The following CACNA2D3 variants were observed in gnomAD, a reference collection of about 807,000 sequenced individuals.
The protein encoded by CACNA2D3 is calcium voltage-gated channel auxiliary subunit alpha2delta 3.
Under a neutral mutation model 160.6 loss-of-function variants are expected in CACNA2D3, and 60 were observed. The ratio of observed to expected loss-of-function variants is 0.37; its 90% CI spans 0.30 to 0.46. The LOEUF is 0.46. Among genes scored for constraint, CACNA2D3 ranks in the 20% least tolerant of loss-of-function variants. The pLI, the probability that CACNA2D3 is intolerant of heterozygous loss-of-function variation, is 1.00. For synonymous variants in CACNA2D3, 558 were observed against 492.9 expected (o/e 1.13, Z -1.75); for missense variants, 1,205 against 1,365.0 (o/e 0.88, Z 1.85).
chr3:54,707,032 G>T (rs1458029840), intron 11 of CACNA2D3, among the ~76,000 whole-genome samples: 4 of 152,170 alleles, frequency 2.6e-5, no homozygotes, highest in Admixed American at 6.5e-5. Context: ...TCTTACAAAG[G>T]CCTCCTTTAC....
chr3:54,775,674 AAGTT>A (rs1322724674), intron 13 of CACNA2D3, among the ~76,000 whole-genome samples: 1 of 152,136 alleles, frequency 6.6e-6, no homozygotes, highest in Non-Finnish European at 1.5e-5. Flanking sequence ...CAAATTGAGA[AAGTT>A]AGTATAGTAA....
At chr3:54,131,123 A>G (rs191701583) in intron 2 of CACNA2D3, among the ~76,000 whole-genome samples, 385 of 152,292 alleles carry the variant, frequency 2.5e-3, no homozygotes, top group African/African-American at 8.6e-3. Context: ...TCTTCAGGTA[A>G]TCTTCATTGA....
At chr3:54,256,650 G>A in intron 2 of CACNA2D3, among the ~76,000 whole-genome samples, 1 of 151,136 alleles carries the variant, frequency 6.6e-6, no homozygotes, top group Non-Finnish European at 1.5e-5. Flanking sequence ...ACACACCTGA[G>A]AAGTTCACAT....
chr3:54,899,641 G>A (rs373924985), intron 26 of CACNA2D3, 147 bp from the exon 27 acceptor site: 11 of 610,646 alleles, frequency 1.8e-5, no homozygotes, highest in African/African-American at 1.5e-4. Context: ...CGTAGGCAGA[G>A]CATCCACACC....
chr3:54,803,310 G>T (rs1421322800), intron 13 of CACNA2D3, among the ~76,000 whole-genome samples: 6 of 152,018 alleles, frequency 3.9e-5, no homozygotes, highest in Non-Finnish European at 8.8e-5. Context: ...TGAAAACTTT[G>T]AAAAAAATTT....
chr3:54,346,723 A>T (rs1698464845), intron 3 of CACNA2D3, among the ~76,000 whole-genome samples: 1 of 151,996 alleles, frequency 6.6e-6, no homozygotes. Flanking sequence ...ATTAGGGCTC[A>T]CTCTTTGTGT....
At chr3:54,869,356 T>C (rs1455934962) in intron 17 of CACNA2D3, among the ~76,000 whole-genome samples, 1 of 152,210 alleles carries the variant, frequency 6.6e-6, no homozygotes, top group Non-Finnish European at 1.5e-5. Flanking sequence ...AAATTGACCT[T>C]AAAGAAGCAG....
At chr3:54,150,988 ATGAG>A (rs1700139194) in intron 2 of CACNA2D3, among the ~76,000 whole-genome samples, 1 of 150,848 alleles carries the variant, frequency 6.6e-6, no homozygotes, top group Non-Finnish European at 1.5e-5. Flanking sequence ...AAATGGATGG[ATGAG>A]TGGGTGGATA....
At chr3:54,304,525 A>G (rs148497615) in intron 2 of CACNA2D3, among the ~76,000 whole-genome samples, 11 of 152,274 alleles carry the variant, frequency 7.2e-5, no homozygotes, top group African/African-American at 2.7e-4. Flanking sequence ...AAAGATCTGT[A>G]AAGATATAAA....
intron 3 of CACNA2D3, among the ~76,000 whole-genome samples, chr3:54,321,706 C>T (rs1310054338): frequency 1.3e-5 from 2 of 152,014 alleles, no homozygotes; most frequent in Non-Finnish European, 2.9e-5. Flanking sequence ...CATAATGACC[C>T]CAGAGTCCGC....
intron 4 of CACNA2D3, among the ~76,000 whole-genome samples, chr3:54,465,660 G>A (rs1051645080): frequency 7.2e-5 from 11 of 152,292 alleles, no homozygotes; most frequent in South Asian, 2.1e-4. Flanking sequence ...ACAGCCATGC[G>A]TACAGGTTGG....
chr3:54,879,764 T>C (rs1370773672), intron 20 of CACNA2D3, among the ~76,000 whole-genome samples: 3 of 152,316 alleles, frequency 2.0e-5, no homozygotes, highest in South Asian at 2.1e-4. Flanking sequence ...TTTATTTCCA[T>C]GACCAAAAAA....
intron 32 of CACNA2D3, 129 bp from the exon 33 acceptor site, chr3:55,007,661 C>T (rs1040207925): frequency 2.7e-5 from 17 of 625,282 alleles, no homozygotes; most frequent in South Asian, 1.4e-4. Flanking sequence ...TTAGCTAGAA[C>T]GCCACTGTTT....
chr3:54,785,526 T>C (rs893367526), intron 13 of CACNA2D3, among the ~76,000 whole-genome samples: 3 of 152,258 alleles, frequency 2.0e-5, no homozygotes, highest in South Asian at 2.1e-4. Context: ...TTATGTTTAG[T>C]CTAGCTATAT....
At chr3:54,451,229 C>CTTATTTTTT (rs1700301803) in intron 4 of CACNA2D3, among the ~76,000 whole-genome samples, 2 of 51,732 alleles carry the variant, frequency 3.9e-5, no homozygotes, top group African/African-American at 8.6e-5. Context: ...ATATAATAAT[C>CTTATTTTTT]TTTTTTTTTT....
At chr3:54,470,581 A>G (rs1700712772) in intron 4 of CACNA2D3, among the ~76,000 whole-genome samples, 2 of 152,366 alleles carry the variant, frequency 1.3e-5, no homozygotes, top group South Asian at 4.1e-4. Context: ...TTCCTACATA[A>G]CAATAATAAC....
At chr3:54,326,864 A>G (rs1388728075) in intron 3 of CACNA2D3, among the ~76,000 whole-genome samples, 3 of 152,234 alleles carry the variant, frequency 2.0e-5, no homozygotes, top group East Asian at 1.9e-4. Context: ...TCAGAAAAAA[A>G]TAATGTTTTC....
chr3:54,791,398 CAAGG>C (rs1702755628), intron 13 of CACNA2D3, among the ~76,000 whole-genome samples: 1 of 152,174 alleles, frequency 6.6e-6, no homozygotes, highest in Non-Finnish European at 1.5e-5. Context: ...GGGAAAATAA[CAAGG>C]AAGAGAAATG....
At chr3:54,906,902 C>T (rs1280322226) in intron 27 of CACNA2D3, among the ~76,000 whole-genome samples, 1 of 152,162 alleles carries the variant, frequency 6.6e-6, no homozygotes, top group Non-Finnish European at 1.5e-5. Flanking sequence ...AGAGTGAGAG[C>T]TGGACATTAG....
Sources: gnomAD v4.1 joint callset for allele counts (sites outside exome capture counted in the v4.1 genomes callset) on GRCh38, gnomAD v4.1.1 for gene constraint, MANE v1.5 for transcripts, NCBI Gene and HGNC (gene_info 2026-07-23, HGNC 2026-07-21) for gene names.